The following KCTD16 variants were observed in gnomAD, a reference collection of about 807,000 sequenced individuals.
The protein encoded by KCTD16 is potassium channel tetramerization domain containing 16, also known as BTB/POZ domain-containing protein KCTD16.
In KCTD16, 13 loss-of-function variants were observed where a neutral mutation model predicts 33.2. That is an observed-to-expected ratio of 0.39 (90% CI 0.25 to 0.62). The LOEUF (loss-of-function observed/expected upper bound fraction) is 0.62. KCTD16 is among the 20% of genes least tolerant of loss of function. The probability of loss-of-function intolerance (pLI) is 0.50; values close to 1 mark genes in which losing one functional copy is unlikely to be tolerated. For synonymous variants in KCTD16, 197 were observed against 195.3 expected (o/e 1.01, Z -0.07); for missense variants, 441 against 525.1 (o/e 0.84, Z 1.57).
chr5:144,427,176 T>C (rs1461498073), intron 3 of KCTD16, among the ~76,000 whole-genome samples: 1 of 151,948 alleles, frequency 6.6e-6, no homozygotes, highest in East Asian at 1.9e-4. Context: ...CCCAGACACT[T>C]TGGGAGAAAA....
chr5:144,442,513 TTCCCTCCTTCCC>T (rs1378667306), intron 3 of KCTD16, among the ~76,000 whole-genome samples: 1 of 145,394 alleles, frequency 6.9e-6, no homozygotes, highest in Non-Finnish European at 1.5e-5. Context: ...ATCTTTTTCT[TTCCCTCCTTCCC>T]TCCCTCCTTC....
intron 3 of KCTD16, among the ~76,000 whole-genome samples, chr5:144,387,162 GAGAC>G (rs922430736): frequency 3.0e-5 from 3 of 100,436 alleles, no homozygotes; most frequent in Non-Finnish European, 4.1e-5. Context: ...TTTTTTTTGA[GAGAC>G]AGAGTCTCAC....
chr5:144,420,512 ATG>A lies in KCTD16; in HGVS notation c.833-53127_833-53126del, dbSNP rs145586447. 3.1e-3 allele frequency among the ~76,000 whole-genome samples: 462 copies of A among 149,598 alleles called. 1 individual carries two copies. Among genetic ancestry groups the A allele is most frequent in the East Asian group, 6.7e-3 (34 of 5,082 alleles). ...TATGGGTCCAAAGTGACTTATTTAAATGTGTGTGTGTGTGTGTGTGTGCACAC... is the reference window on the plus strand; with the variant it reads ...TATGGGTCCAAAGTGACTTATTTAAATGTGTGTGTGTGTGTGTGTGCACAC... On this transcript the variant is annotated intron_variant, in intron 3 of 3. Transcript: ENST00000512467.
At chr5:144,458,879 G>A (rs1754131540) in intron 3 of KCTD16, among the ~76,000 whole-genome samples, 2 of 152,148 alleles carry the variant, frequency 1.3e-5, no homozygotes, top group Non-Finnish European at 2.9e-5. Context: ...ACAGGATGAT[G>A]GAAATGAGAA....
At chr5:144,390,497 G>A (rs897129544) in intron 3 of KCTD16, among the ~76,000 whole-genome samples, 2 of 151,336 alleles carry the variant, frequency 1.3e-5, no homozygotes, top group African/African-American at 4.9e-5. Context: ...TTCAGGAGAG[G>A]AACTCAAACT....
intron 2 of KCTD16, among the ~76,000 whole-genome samples, chr5:144,185,225 A>C (rs552712318): frequency 6.6e-6 from 1 of 152,274 alleles, no homozygotes; most frequent in African/African-American, 2.4e-5. Context: ...ACTTAACCAC[A>C]ACATTATTTT....
intron 3 of KCTD16, among the ~76,000 whole-genome samples, chr5:144,399,882 C>T (rs922365214): frequency 3.3e-5 from 5 of 151,992 alleles, no homozygotes; most frequent in East Asian, 1.9e-4. Flanking sequence ...AAGGAGTTTC[C>T]GGTGCTAGAA....
At chr5:144,398,731 CTT>C (rs1491511568) in intron 3 of KCTD16, among the ~76,000 whole-genome samples, 321 of 151,912 alleles carry the variant, frequency 2.1e-3, no homozygotes, top group Admixed American at 3.7e-3. Context: ...CTCTCTCTCT[CTT>C]ATATAAATGT....
intron 3 of KCTD16, among the ~76,000 whole-genome samples, chr5:144,366,705 CA>C (rs959756182): frequency 6.6e-6 from 1 of 152,142 alleles, no homozygotes; most frequent in African/African-American, 2.4e-5. Flanking sequence ...ATCCTAGTCA[CA>C]AATGACCAAG....
At position 144,478,604 on chromosome 5, in the gene KCTD16, A is replaced by G. The variant is rs942198843; in HGVS notation, c.*4490A>G. On this transcript the variant is annotated 3_prime_UTR_variant, in exon 4 of 4. Transcript: ENST00000512467. ...TGATTCAGAAACTTGAAGCAGGGCA[A>G]AGAAATTTGTATTTTGAGCTAGTCT... The G allele has an allele frequency of 2.0e-5, 3 of 152,162 alleles. No individual in the cohort carries two copies. Among genetic ancestry groups the G allele is most frequent in the Middle Eastern group, 3.4e-3 (1 of 294 alleles). The allele number at this position is 152,162 out of a possible 1,614,324, so 9.4% of individuals were successfully genotyped here. A position where few individuals can be genotyped will look rare whatever the true frequency, so the allele number is the denominator to read the frequency against.
At chr5:144,296,419 C>T (rs1756037781) in intron 3 of KCTD16, among the ~76,000 whole-genome samples, 1 of 152,196 alleles carries the variant, frequency 6.6e-6, no homozygotes, top group Non-Finnish European at 1.5e-5. Context: ...TCAAACAGAG[C>T]ATTTGGCAAT....
intron 3 of KCTD16, among the ~76,000 whole-genome samples, chr5:144,243,465 G>A (rs1302395112): frequency 6.6e-6 from 1 of 152,044 alleles, no homozygotes; most frequent in Non-Finnish European, 1.5e-5. Context: ...TTATTATTTG[G>A]ATCCCATGTG....
chr5:144,324,114 T>C (rs960965), intron 3 of KCTD16, among the ~76,000 whole-genome samples: 9,918 of 152,136 alleles, frequency 0.065, 475 homozygotes, highest in Non-Finnish European at 0.095. Context: ...GTGGGAAGTT[T>C]AGGGAAAAAA....
At chr5:144,408,207 C>G (rs1752854596) in intron 3 of KCTD16, among the ~76,000 whole-genome samples, 1 of 152,170 alleles carries the variant, frequency 6.6e-6, no homozygotes, top group African/African-American at 2.4e-5. Flanking sequence ...TGTTGCTCTT[C>G]TGCACATTGT....
chr5:144,387,492 G>GTAA (rs1034994208), intron 3 of KCTD16, among the ~76,000 whole-genome samples: 2 of 152,104 alleles, frequency 1.3e-5, no homozygotes, highest in African/African-American at 4.8e-5. Flanking sequence ...ATACCCAAGG[G>GTAA]TAATAATTTT....
intron 3 of KCTD16, among the ~76,000 whole-genome samples, chr5:144,263,261 G>C (rs1755059373): frequency 6.6e-6 from 1 of 152,204 alleles, no homozygotes; most frequent in African/African-American, 2.4e-5. Context: ...TAATGGTACA[G>C]GAGATGTTTG....
chr5:144,176,753 AC>A (rs1752520039), intron 2 of KCTD16, among the ~76,000 whole-genome samples: 1 of 152,200 alleles, frequency 6.6e-6, no homozygotes, highest in African/African-American at 2.4e-5. Flanking sequence ...ATTATACTCA[AC>A]AAGAGAACAG....
At chr5:144,340,816 G>C (rs542640528) in intron 3 of KCTD16, among the ~76,000 whole-genome samples, 1 of 152,002 alleles carries the variant, frequency 6.6e-6, no homozygotes, top group African/African-American at 2.4e-5. Flanking sequence ...TTAGGAGGCC[G>C]AGGCAGATGG....
Position 144,206,569 on chromosome 5 carries a change from G to C in KCTD16, c.-146G>C. ...GACTCTTATACATTTTGATTTCTTG[G>C]GGGAAAAATACTGGGATAAGAGGAG... On this transcript the variant is annotated 5_prime_UTR_variant, in exon 3 of 4. Coordinates refer to ENST00000512467, the MANE Select transcript of KCTD16 (RefSeq NM_020768.4). The C allele has an allele frequency of 1.5e-6, 1 of 684,316 alleles. No individual in the cohort carries two copies. Among genetic ancestry groups the C allele is most frequent in the Non-Finnish European group, 2.5e-6 (1 of 407,986 alleles). The allele number at this position is 684,316 out of a possible 1,614,324, so 42.4% of individuals were successfully genotyped here. A position where few individuals can be genotyped will look rare whatever the true frequency, so the allele number is the denominator to read the frequency against.
Sources: allele counts gnomAD v4.1 joint callset (sites outside exome capture counted in the v4.1 genomes callset), GRCh38; gene constraint gnomAD v4.1.1; transcripts MANE v1.5; gene names NCBI Gene and HGNC (gene_info 2026-07-23, HGNC 2026-07-21).